The following MLLT3 variants were observed in gnomAD, a reference collection of about 807,000 sequenced individuals.
MLLT3 encodes the protein protein AF-9.
In MLLT3, 4 loss-of-function variants were observed where a neutral mutation model predicts 53.2. The observed-to-expected ratio is 0.08, with a 90% CI of 0.04 to 0.17. The LOEUF (loss-of-function observed/expected upper bound fraction) is 0.17. Among genes scored for constraint, MLLT3 ranks in the 10% least tolerant of loss-of-function variants. The probability of loss-of-function intolerance (pLI) is 1.00; values close to 1 mark genes in which losing one functional copy is unlikely to be tolerated. For synonymous variants in MLLT3, 283 were observed against 230.6 expected, an observed-to-expected ratio of 1.23 and a Z score of -2.06; for missense variants, 569 against 684.0, an observed-to-expected ratio of 0.83 and a Z score of 1.87.
In MLLT3 at chr9:20,498,965, T is replaced by G. The variant is rs147984819; in HGVS notation, c.194-42179A>C. ...CTTGAAACAACAGGAATTTAACCAT[T>G]CATGCTAGAATTCTGAAATCAAAGT... is the stretch of plus-strand genomic sequence containing the variant. On this transcript the variant is annotated intron_variant, in intron 2 of 10. Transcript: ENST00000380338. Among the ~76,000 whole-genome samples the G allele has an allele frequency of 4.3e-3, 660 of 152,326 alleles. 2 individuals carry two copies. The highest frequency in any genetic ancestry group is 0.014 in the African/African-American group (575 of 41,566).
At chr9:20,449,298 G>C (rs1053976334) in intron 3 of MLLT3, among the ~76,000 whole-genome samples, 2 of 152,182 alleles carry the variant, frequency 1.3e-5, no homozygotes, top group Non-Finnish European at 2.9e-5. Flanking sequence ...AATGCAGTGA[G>C]TATCTGTGAG....
At chr9:20,582,868 T>G (rs1256962166) in intron 2 of MLLT3, among the ~76,000 whole-genome samples, 1 of 152,260 alleles carries the variant, frequency 6.6e-6, no homozygotes, top group South Asian at 2.1e-4. Flanking sequence ...AATTGAGATT[T>G]GGGTGGGGGC....
chr9:20,541,675 A>T (rs753906003), intron 2 of MLLT3, among the ~76,000 whole-genome samples: 2 of 152,190 alleles, frequency 1.3e-5, no homozygotes, highest in South Asian at 4.1e-4. Flanking sequence ...TTACAATTTG[A>T]CATGAGATTT....
At chr9:20,397,992 G>C (rs1822364021) in intron 5 of MLLT3, among the ~76,000 whole-genome samples, 1 of 152,096 alleles carries the variant, frequency 6.6e-6, no homozygotes, top group Non-Finnish European at 1.5e-5. Context: ...CTGTCACTAT[G>C]CTAGTGTTCA....
chr9:20,423,599 G>A lies in MLLT3; in HGVS notation c.421-9174C>T, dbSNP rs960444864. The stretch of plus-strand genomic sequence containing the variant: ...AGGCCAAGGAAGGAGGATCACTTGA[G>A]CCCAGGGGTTCGAGACCAGCCTGGG... On this transcript the variant is annotated intron_variant, in intron 4 of 10. Transcript: ENST00000380338. Among the ~76,000 whole-genome samples, 18 of 151,636 alleles carry A rather than the reference G, an allele frequency of 1.2e-4. 1 individual carries two copies. The highest frequency in any genetic ancestry group is 5.9e-5 in the Non-Finnish European group (4 of 67,946).
chr9:20,619,462 C>T (rs754445304), intron 2 of MLLT3, among the ~76,000 whole-genome samples: 1 of 152,184 alleles, frequency 6.6e-6, no homozygotes, highest in Admixed American at 6.5e-5. Flanking sequence ...TTATTCAGCC[C>T]CCTGAATGTT....
At chr9:20,586,358 T>A (rs1587101877) in intron 2 of MLLT3, among the ~76,000 whole-genome samples, 1 of 147,516 alleles carries the variant, frequency 6.8e-6, no homozygotes. Context: ...TATGGATGGG[T>A]ACTGACATAA....
intron 5 of MLLT3, among the ~76,000 whole-genome samples, chr9:20,392,578 T>C (rs1284504033): frequency 2.0e-5 from 3 of 152,208 alleles, no homozygotes; most frequent in African/African-American, 7.2e-5. Flanking sequence ...TTGTTAAATT[T>C]CACTTTCTTG....
intron 6 of MLLT3, 97 bp downstream of exon 6, chr9:20,365,572 T>G: frequency 1.5e-6 from 2 of 1,334,944 alleles, no homozygotes; most frequent in Non-Finnish European, 2.1e-6. Context: ...ATGGTCTTGA[T>G]CTCCTGACCT....
intron 5 of MLLT3, among the ~76,000 whole-genome samples, chr9:20,387,418 C>A (rs1443094404): frequency 6.6e-6 from 1 of 152,188 alleles, no homozygotes; most frequent in East Asian, 1.9e-4. Flanking sequence ...TTAGTTTATC[C>A]TATTACTGGT....
chr9:20,392,529 T>C (rs1822214002), intron 5 of MLLT3, among the ~76,000 whole-genome samples: 1 of 152,214 alleles, frequency 6.6e-6, no homozygotes, highest in Admixed American at 6.5e-5. Flanking sequence ...CTAATCAAAA[T>C]AATTACTTAA....
At chr9:20,408,106 G>A (rs1822630397) in intron 5 of MLLT3, among the ~76,000 whole-genome samples, 1 of 152,154 alleles carries the variant, frequency 6.6e-6, no homozygotes, top group Non-Finnish European at 1.5e-5. Context: ...GAAATGCTGA[G>A]TTTTGCCAAT....
intron 2 of MLLT3, among the ~76,000 whole-genome samples, chr9:20,475,628 TG>T (rs1824501360): frequency 6.6e-6 from 1 of 152,154 alleles, no homozygotes. Context: ...TTGGTGCATT[TG>T]TTTAAAACAA....
intron 2 of MLLT3, among the ~76,000 whole-genome samples, chr9:20,502,106 G>T (rs865806275): frequency 3.0e-4 from 39 of 129,978 alleles, no homozygotes; most frequent in African/African-American, 9.3e-4. Context: ...GGGGGGGGGG[G>T]ACTACCTTTT....
intron 2 of MLLT3, among the ~76,000 whole-genome samples, chr9:20,541,236 C>T (rs1168370390): frequency 2.6e-5 from 4 of 152,190 alleles, no homozygotes; most frequent in East Asian, 3.8e-4. Context: ...CAAACTTCAA[C>T]ATCTTCCTGT....
Position 20,620,018 on chromosome 9 carries a change from T to C in MLLT3, c.193+636A>G, listed in dbSNP as rs1050299939. On this transcript the variant is annotated intron_variant, in intron 2 of 10. Coordinates refer to ENST00000380338, the MANE Select transcript of MLLT3 (RefSeq NM_004529.4). The surrounding 1 kb of genome is among the most constrained non-coding windows in gnomAD (Gnocchi z 6.1). ...GGAGCAGTCAAGTGGCACGCGGGGG[T>C]GGGAGGGAGGAACGAGTAAGCCCCC... 2.6e-5 allele frequency among the ~76,000 whole-genome samples: 4 copies of C among 151,006 alleles called. No homozygotes were observed. The highest frequency in any genetic ancestry group is 9.8e-5 in the African/African-American group (4 of 41,004).
chr9:20,533,541 C>T (rs1455431168), intron 2 of MLLT3, among the ~76,000 whole-genome samples: 1 of 152,154 alleles, frequency 6.6e-6, no homozygotes. Context: ...TATGATCCAG[C>T]AATCTCACTA....
intron 3 of MLLT3, among the ~76,000 whole-genome samples, chr9:20,449,328 T>C (rs1213496632): frequency 1.3e-5 from 2 of 152,190 alleles, no homozygotes; most frequent in African/African-American, 4.8e-5. Flanking sequence ...AATGGAATTT[T>C]TCTGAATAAA....
intron 2 of MLLT3, among the ~76,000 whole-genome samples, chr9:20,552,558 A>G (rs926396749): frequency 6.6e-6 from 1 of 152,074 alleles, no homozygotes; most frequent in Non-Finnish European, 1.5e-5. Flanking sequence ...AGACGGTTTG[A>G]GAGCAGAAGA....
Sources: gnomAD v4.1 joint callset for allele counts (sites outside exome capture counted in the v4.1 genomes callset) on GRCh38, gnomAD v4.1.1 for gene constraint, Gnocchi (gnomAD v3.1) non-coding constraint, MANE v1.5 for transcripts, NCBI Gene and HGNC (gene_info 2026-07-23, HGNC 2026-07-21) for gene names.